The following PLA2G4E variants were observed in gnomAD, a reference collection of about 807,000 sequenced individuals.
The protein encoded by PLA2G4E is phospholipase A2 group IVE, also known as cytosolic phospholipase A2 epsilon.
A neutral mutation model predicts 109.1 loss-of-function variants in PLA2G4E; 84 were observed. The observed-to-expected ratio is 0.77, with a 90% CI of 0.65 to 0.92. The LOEUF is 0.92. PLA2G4E is among the 40% of genes least tolerant of loss of function. PLA2G4E has a pLI of 0.00. For synonymous variants in PLA2G4E, 469 were observed against 436.1 expected, an observed-to-expected ratio of 1.08 and a Z score of -0.94; for missense variants, 1,057 against 1,076.6, an observed-to-expected ratio of 0.98 and a Z score of 0.25.
At chr15:42,044,268 TC>T (rs1284624837) in intron 1 of PLA2G4E, among the ~76,000 whole-genome samples, 1 of 152,104 alleles carries the variant, frequency 6.6e-6, no homozygotes, top group African/African-American at 2.4e-5. Context: ...AGGGATGACC[TC>T]CCAGAGGAAG....
At chr15:42,014,940 C>T (rs2068574401) in intron 1 of PLA2G4E, among the ~76,000 whole-genome samples, 1 of 152,186 alleles carries the variant, frequency 6.6e-6, no homozygotes, top group Non-Finnish European at 1.5e-5. Flanking sequence ...TCCCTAGCAC[C>T]TTGTCCTAAC....
At chr15:42,028,944 A>G (rs553548948) in intron 1 of PLA2G4E, among the ~76,000 whole-genome samples, 1 of 152,182 alleles carries the variant, frequency 6.6e-6, no homozygotes, top group South Asian at 2.1e-4. Flanking sequence ...TGATGACAAG[A>G]TAACAAAGTA....
intron 1 of PLA2G4E, among the ~76,000 whole-genome samples, chr15:42,044,753 G>A (rs1345984788): frequency 6.6e-6 from 1 of 151,462 alleles, no homozygotes; most frequent in African/African-American, 2.4e-5. Context: ...CCTGCATGTT[G>A]TGCACATGTA....
At chr15:41,990,027 G>T (rs945764198) in intron 14 of PLA2G4E, 94 bp downstream of exon 14, 1 of 916,534 alleles carries the variant, frequency 1.1e-6, no homozygotes, top group Non-Finnish European at 1.7e-6. Flanking sequence ...ACAAAGATGA[G>T]TGGGATTGGG....
intron 1 of PLA2G4E, among the ~76,000 whole-genome samples, chr15:42,015,811 A>G (rs1439977196): frequency 1.3e-5 from 2 of 152,200 alleles, no homozygotes; most frequent in Non-Finnish European, 2.9e-5. Context: ...CCAAGGCTGC[A>G]GAGGTGAGGC....
At chr15:42,033,187 G>A (rs1281218845) in intron 1 of PLA2G4E, among the ~76,000 whole-genome samples, 2 of 152,150 alleles carry the variant, frequency 1.3e-5, no homozygotes, top group African/African-American at 2.4e-5. Context: ...GCTCTTGCTG[G>A]AGAATAAAGT....
At chr15:42,047,969 G>A (rs1370758145) in intron 1 of PLA2G4E, among the ~76,000 whole-genome samples, 1 of 152,136 alleles carries the variant, frequency 6.6e-6, no homozygotes, top group Non-Finnish European at 1.5e-5. Flanking sequence ...TATAATTTTA[G>A]GCTAACCCCC....
At chr15:41,987,762 C>T (rs527741519) in intron 16 of PLA2G4E, among the ~76,000 whole-genome samples, 45 of 152,302 alleles carry the variant, frequency 3.0e-4, no homozygotes, top group African/African-American at 1.1e-3. Flanking sequence ...AGGGAAGACA[C>T]TGTAGCCCCA....
rs1413250557 is a variant in PLA2G4E, at chr15:42,014,786, T to C, written c.184-1029A>G. On this transcript the variant is annotated intron_variant, in intron 1 of 19. Coordinates refer to ENST00000399518, the Ensembl canonical transcript of PLA2G4E. ...CTCCACTGTTTCTCGCAAGAGGTCC[T>C]TGTGGAGTCTTGGCTGGTCTGCGAT... 2.0e-5 allele frequency among the ~76,000 whole-genome samples: 3 copies of C among 152,206 alleles called. No individual in the cohort carries two copies. The East Asian group carries it at 5.8e-4, about 29-fold the overall frequency.
chr15:41,988,419 T>C (rs149688584), intron 15 of PLA2G4E, among the ~76,000 whole-genome samples: 225 of 152,246 alleles, frequency 1.5e-3, no homozygotes, highest in South Asian at 9.7e-3. Context: ...CCGGCAGGGA[T>C]TTAATGCTGG....
intron 1 of PLA2G4E, among the ~76,000 whole-genome samples, chr15:42,041,370 G>A (rs537880429): frequency 1.7e-4 from 26 of 152,220 alleles, no homozygotes; most frequent in East Asian, 1.3e-3. Flanking sequence ...CATTCCACTC[G>A]CACCCACCGA....
chr15:42,027,412 T>G (rs1273940900), intron 1 of PLA2G4E, among the ~76,000 whole-genome samples: 1 of 152,166 alleles, frequency 6.6e-6, no homozygotes, highest in East Asian at 1.9e-4. Flanking sequence ...CTTGGAGTCC[T>G]CTGCACCTCA....
intron 2 of PLA2G4E, among the ~76,000 whole-genome samples, chr15:42,012,702 C>T (rs144444934): frequency 1.3e-5 from 2 of 152,356 alleles, no homozygotes; most frequent in African/African-American, 2.4e-5. Context: ...AAGATGGGAA[C>T]GTTGTTATTC....
chr15:41,984,309 C>A (rs2068104494), intron 19 of PLA2G4E, 127 bp downstream of exon 19: 1 of 1,048,938 alleles, frequency 9.5e-7, no homozygotes, highest in East Asian at 2.6e-5. Flanking sequence ...TTTGTGGAAG[C>A]CAAGGTTGGC....
exon 4 of PLA2G4E, chr15:42,006,025 T>C (rs1044158307): frequency 6.2e-7 from 1 of 1,613,838 alleles, no homozygotes; most frequent in African/African-American, 1.3e-5. Flanking sequence ...TGGGTTTTCT[T>C]TCGGAAACAG....
intron 1 of PLA2G4E, among the ~76,000 whole-genome samples, chr15:42,042,957 C>T (rs1227604058): frequency 6.6e-6 from 1 of 152,168 alleles, no homozygotes; most frequent in Non-Finnish European, 1.5e-5. Flanking sequence ...TTGTGCCTGA[C>T]CTGATGGTGG....
intron 1 of PLA2G4E, among the ~76,000 whole-genome samples, chr15:42,044,910 G>C (rs1889386530): frequency 6.6e-6 from 1 of 152,124 alleles, no homozygotes; most frequent in African/African-American, 2.4e-5. Flanking sequence ...GGTCACTTGG[G>C]CCCGGGTAGG....
intron 13 of PLA2G4E, among the ~76,000 whole-genome samples, chr15:41,992,157 G>C (rs551149869): frequency 1.3e-5 from 2 of 152,192 alleles, no homozygotes; most frequent in South Asian, 2.1e-4. Context: ...CAACTGTAGA[G>C]AGTGTTATTG....
intron 1 of PLA2G4E, among the ~76,000 whole-genome samples, chr15:42,049,212 C>A (rs897462387): frequency 6.6e-6 from 1 of 152,156 alleles, no homozygotes; most frequent in Non-Finnish European, 1.5e-5. Context: ...TGGGGCGGGG[C>A]TCTTGACCCC....
Sources: gnomAD v4.1 joint callset for allele counts (sites outside exome capture counted in the v4.1 genomes callset) on GRCh38, gnomAD v4.1.1 for gene constraint, MANE v1.5 for transcripts, NCBI Gene and HGNC (gene_info 2026-07-23, HGNC 2026-07-21) for gene names.